LRRC4C: variants seen among roughly 807,000 people sequenced by gnomAD.
LRRC4C encodes leucine rich repeat containing 4C.
Under a neutral mutation model 33.6 loss-of-function variants are expected in LRRC4C, and 5 were observed. The ratio of observed to expected loss-of-function variants is 0.15; its 90% CI spans 0.08 to 0.31. LRRC4C has a LOEUF of 0.31. LRRC4C is among the 10% of genes least tolerant of loss of function. The probability of loss-of-function intolerance (pLI) is 1.00; values close to 1 mark genes in which losing one functional copy is unlikely to be tolerated. For synonymous variants in LRRC4C, 329 were observed against 302.0 expected (o/e 1.09, Z -0.93); for missense variants, 560 against 796.7 (o/e 0.70, Z 3.58).
At chr11:40,345,885 C>CA (rs34195571) in intron 3 of LRRC4C, among the ~76,000 whole-genome samples, 72,367 of 151,352 alleles carry the variant, frequency 0.48, 17,915 homozygotes, top group East Asian at 0.83. Context: ...AAAAAGTGGG[C>CA]AAATATATGA....
At chr11:40,427,317 A>C (rs1465100126) in intron 3 of LRRC4C, among the ~76,000 whole-genome samples, 1 of 151,580 alleles carries the variant, frequency 6.6e-6, no homozygotes, top group Non-Finnish European at 1.5e-5. Flanking sequence ...TAGCCTGGCC[A>C]ATGTCATGAA....
intron 1 of LRRC4C, among the ~76,000 whole-genome samples, chr11:41,360,527 T>G (rs2137664515): frequency 6.6e-6 from 1 of 152,198 alleles, no homozygotes; most frequent in South Asian, 2.1e-4. Context: ...TAGCATGGTT[T>G]TAAGAGAATA....
At chr11:41,032,665 G>A (rs1856798167) in intron 1 of LRRC4C, among the ~76,000 whole-genome samples, 1 of 151,584 alleles carries the variant, frequency 6.6e-6, no homozygotes, top group African/African-American at 2.4e-5. Flanking sequence ...AGGGAACCCA[G>A]TTATTATTAT....
At chr11:41,072,684 T>G (rs1430363427) in intron 1 of LRRC4C, among the ~76,000 whole-genome samples, 1 of 152,158 alleles carries the variant, frequency 6.6e-6, no homozygotes, top group Non-Finnish European at 1.5e-5. Context: ...TATAGCAATA[T>G]GAGAAACGAC....
chr11:41,145,749 G>T (rs1217617309), intron 1 of LRRC4C, among the ~76,000 whole-genome samples: 1 of 152,174 alleles, frequency 6.6e-6, no homozygotes, highest in Non-Finnish European at 1.5e-5. Flanking sequence ...TTGGCACCGA[G>T]TTGGTGTTTA....
intron 1 of LRRC4C, among the ~76,000 whole-genome samples, chr11:41,353,321 A>C (rs1411762433): frequency 5.3e-5 from 8 of 152,294 alleles, no homozygotes; most frequent in Non-Finnish European, 8.8e-5. Context: ...TGAACCAGGA[A>C]GAAATTAATA....
At chr11:40,121,842 C>G (rs981121085) in intron 6 of LRRC4C, among the ~76,000 whole-genome samples, 1 of 152,104 alleles carries the variant, frequency 6.6e-6, no homozygotes, top group African/African-American at 2.4e-5. Context: ...ATTCAGTTAA[C>G]CACAACTGTA....
At chr11:40,677,523 G>C (rs1944466033) in intron 2 of LRRC4C, among the ~76,000 whole-genome samples, 3 of 152,078 alleles carry the variant, frequency 2.0e-5, no homozygotes, top group Admixed American at 1.3e-4. Context: ...CCATCACCTA[G>C]ATTTTCTTGA....
intron 1 of LRRC4C, among the ~76,000 whole-genome samples, chr11:41,409,932 T>C (rs527323093): frequency 6.6e-6 from 1 of 152,248 alleles, no homozygotes; most frequent in South Asian, 2.1e-4. Context: ...GTTTTTTTAT[T>C]TCCATCATCC....
At chr11:40,203,941 G>C (rs1862955194) in intron 5 of LRRC4C, among the ~76,000 whole-genome samples, 1 of 152,168 alleles carries the variant, frequency 6.6e-6, no homozygotes, top group Admixed American at 6.5e-5. Context: ...ACTGTTTTTA[G>C]AGATAGAGTC....
rs10768626 is a variant in LRRC4C, at chr11:40,720,256, A to T, written c.-406-71978T>A. Reference sequence around the variant, plus strand: ...TCATTCTTCTGGTTTTATAAAGATAACTCCATTTGGTCCTTTCAAATATAG... The same window carrying T: ...TCATTCTTCTGGTTTTATAAAGATATCTCCATTTGGTCCTTTCAAATATAG... On this transcript the variant is annotated intron_variant, in intron 2 of 6. Transcript: ENST00000528697. Among the ~76,000 whole-genome samples the T allele has an allele frequency of 8.6e-5, 13 of 151,990 alleles. No homozygotes were observed. The East Asian group carries it at 2.5e-3, about 29-fold the overall frequency.
chr11:41,184,569 A>G (rs1041313313), intron 1 of LRRC4C, among the ~76,000 whole-genome samples: 1 of 152,126 alleles, frequency 6.6e-6, no homozygotes, highest in Non-Finnish European at 1.5e-5. Flanking sequence ...TGTTGTTCAT[A>G]TCAGTATCAG....
intron 2 of LRRC4C, among the ~76,000 whole-genome samples, chr11:40,886,627 T>A (rs927674363): frequency 2.0e-5 from 3 of 151,838 alleles, no homozygotes; most frequent in Non-Finnish European, 4.4e-5. Flanking sequence ...ATTCCTGAAG[T>A]TATGCAACAT....
At chr11:41,234,370 A>G (rs1397600448) in intron 1 of LRRC4C, among the ~76,000 whole-genome samples, 1 of 151,954 alleles carries the variant, frequency 6.6e-6, no homozygotes, top group East Asian at 1.9e-4. Context: ...TTTTTTGGTG[A>G]GAATGCTTAA....
At chr11:40,288,294 T>C (rs934439864) in intron 4 of LRRC4C, among the ~76,000 whole-genome samples, 3 of 152,220 alleles carry the variant, frequency 2.0e-5, no homozygotes, top group African/African-American at 7.2e-5. Flanking sequence ...GGTAAGAACT[T>C]TCATAGAGAA....
At chr11:40,439,788 A>G (rs1427450285) in intron 3 of LRRC4C, among the ~76,000 whole-genome samples, 2 of 152,126 alleles carry the variant, frequency 1.3e-5, no homozygotes, top group Non-Finnish European at 2.9e-5. Flanking sequence ...AGTAGTTACT[A>G]CTACTAACAT....
At chr11:40,687,756 T>C (rs1186966900) in intron 2 of LRRC4C, among the ~76,000 whole-genome samples, 1 of 152,122 alleles carries the variant, frequency 6.6e-6, no homozygotes, top group Non-Finnish European at 1.5e-5. Flanking sequence ...GATAAAATAA[T>C]GAGGGCTAAA....
At chr11:40,237,691 A>C (rs1048362509) in intron 5 of LRRC4C, among the ~76,000 whole-genome samples, 1 of 152,202 alleles carries the variant, frequency 6.6e-6, no homozygotes, top group Non-Finnish European at 1.5e-5. Context: ...TAAACTAAAA[A>C]ATGAAGATAA....
intron 5 of LRRC4C, among the ~76,000 whole-genome samples, chr11:40,236,652 C>G (rs759196951): frequency 6.6e-6 from 1 of 152,046 alleles, no homozygotes; most frequent in Non-Finnish European, 1.5e-5. Context: ...CCCCAGCTCT[C>G]TTTTTCCCTG....
Sources: allele counts gnomAD v4.1 joint callset (sites outside exome capture counted in the v4.1 genomes callset), GRCh38; gene constraint gnomAD v4.1.1; transcripts MANE v1.5; gene names NCBI Gene and HGNC (gene_info 2026-07-23, HGNC 2026-07-21).